GLCCI1: variants seen among roughly 807,000 people sequenced by gnomAD.
GLCCI1 encodes glucocorticoid induced 1, also known as glucocorticoid-induced transcript 1 protein.
Under a neutral mutation model 52.2 loss-of-function variants are expected in GLCCI1, and 24 were observed. The ratio of observed to expected loss-of-function variants is 0.46; its 90% CI spans 0.33 to 0.65. The LOEUF (loss-of-function observed/expected upper bound fraction) is 0.65. Ranked by LOEUF, GLCCI1 falls within the 30% of genes least tolerant of loss-of-function variation. The pLI is 0.02. For synonymous variants in GLCCI1, 310 were observed against 276.5 expected, an observed-to-expected ratio of 1.12 and a Z score of -1.20; for missense variants, 704 against 701.5, an observed-to-expected ratio of 1.00 and a Z score of -0.04.
chr7:7,999,841 T>C (rs1033235329), intron 1 of GLCCI1, among the ~76,000 whole-genome samples: 11 of 152,160 alleles, frequency 7.2e-5, no homozygotes, highest in Non-Finnish European at 1.5e-4. Context: ...AGTTTGAGGC[T>C]GCAGTGAGCT....
chr7:8,069,370 C>T (rs1313049367), intron 5 of GLCCI1, among the ~76,000 whole-genome samples: 1 of 152,124 alleles, frequency 6.6e-6, no homozygotes, highest in African/African-American at 2.4e-5. Context: ...TTAAAGCACT[C>T]TGGGTCTTTG....
chr7:8,007,402 A>G (rs970326366), intron 2 of GLCCI1, among the ~76,000 whole-genome samples: 1 of 152,208 alleles, frequency 6.6e-6, no homozygotes, highest in Non-Finnish European at 1.5e-5. Flanking sequence ...CAGTGAACCC[A>G]GACCTGGCTG....
At chr7:8,067,921 A>G (rs1319667442) in intron 5 of GLCCI1, among the ~76,000 whole-genome samples, 1 of 152,160 alleles carries the variant, frequency 6.6e-6, no homozygotes, top group Non-Finnish European at 1.5e-5. Context: ...GGAAGTTTTC[A>G]TGGACGGTAT....
chr7:7,991,834 G>C (rs963624832), intron 1 of GLCCI1, among the ~76,000 whole-genome samples: 1 of 152,000 alleles, frequency 6.6e-6, no homozygotes, highest in African/African-American at 2.4e-5. Context: ...GACTTCCATA[G>C]GATGCACTTG....
At chr7:7,976,286 T>C (rs35146192) in intron 1 of GLCCI1, among the ~76,000 whole-genome samples, 16,792 of 150,506 alleles carry the variant, frequency 0.11, 1,230 homozygotes, top group African/African-American at 0.2. Context: ...TGAGACCAGC[T>C]TGGCCAACAT....
intron 1 of GLCCI1, chr7:7,981,053 AG>A (rs1435999460): frequency 6.3e-6 from 3 of 479,364 alleles, no homozygotes; most frequent in Non-Finnish European, 1.2e-5. Context: ...GCTAAAACTC[AG>A]GCTTTACTTT....
In GLCCI1 at chr7:8,079,654, T is replaced by G. The variant is rs1782953462; in HGVS notation, c.1178-5243T>G. 1.3e-5 allele frequency among the ~76,000 whole-genome samples: 2 copies of G among 151,562 alleles called. 1 individual carries two copies. Among genetic ancestry groups the G allele is most frequent in the African/African-American group, 4.9e-5 (2 of 40,866 alleles). On this transcript the variant is annotated intron_variant, in intron 6 of 7. Transcript: ENST00000223145. The stretch of plus-strand genomic sequence containing the variant: ...GAAGAAGCACTGTACTTATTTTGAC[T>G]ACACAAAAACAAAAGAGTAACTTTT...
intron 5 of GLCCI1, among the ~76,000 whole-genome samples, chr7:8,069,496 A>T (rs957569938): frequency 6.6e-6 from 1 of 152,048 alleles, no homozygotes; most frequent in Non-Finnish European, 1.5e-5. Context: ...TGCTACTGGG[A>T]TGTTCAGCCA....
chr7:8,050,303 T>G (rs1782228943), intron 3 of GLCCI1, among the ~76,000 whole-genome samples: 1 of 152,178 alleles, frequency 6.6e-6, no homozygotes, highest in Non-Finnish European at 1.5e-5. Flanking sequence ...AGGGTTTGCT[T>G]ACTGACACTT....
chr7:8,042,005 G>T (rs1017966731), intron 3 of GLCCI1, among the ~76,000 whole-genome samples: 16 of 152,138 alleles, frequency 1.1e-4, no homozygotes, highest in African/African-American at 3.6e-4. Context: ...ACAAAGCCTG[G>T]ATGATATAGC....
intron 2 of GLCCI1, among the ~76,000 whole-genome samples, chr7:8,014,320 A>T (rs984049024): frequency 6.6e-6 from 1 of 152,046 alleles, no homozygotes; most frequent in Admixed American, 6.6e-5. Flanking sequence ...TCTTGACTCT[A>T]ATGGTAATGT....
intron 3 of GLCCI1, among the ~76,000 whole-genome samples, chr7:8,039,000 G>C (rs1470087372): frequency 6.6e-6 from 1 of 152,006 alleles, no homozygotes; most frequent in Non-Finnish European, 1.5e-5. Flanking sequence ...AGCCAACAAG[G>C]AGATGAAAAA....
Position 7,969,731 on chromosome 7 carries a change from C to T in GLCCI1, c.381C>T (p.Arg127=). 2 of 1,442,578 alleles carry T rather than the reference C, an allele frequency of 1.4e-6. No individual in the cohort carries two copies. The highest frequency in any genetic ancestry group is 1.8e-6 in the Non-Finnish European group (2 of 1,098,242). 89.4% of individuals were successfully genotyped at this position (1,442,578 alleles called of 1,614,324 possible). The change falls in exon 1 of 8, where the codon CGC becomes CGT. Residue 127 remains arginine (R), a synonymous_variant. Coordinates refer to ENST00000223145, the MANE Select transcript of GLCCI1 (RefSeq NM_138426.4). The surrounding 1 kb of genome is among the most constrained non-coding windows in gnomAD (Gnocchi z 4.9). The part of the protein sequence containing the change: ...PAEQAPRAKG[R]PRRSPESHRR... Reference sequence around the variant, plus strand: ...AGCAGGCGCCGCGGGCCAAGGGCCGCCCGAGACGGTCCCCAGAGAGCCACC... The same window carrying T: ...AGCAGGCGCCGCGGGCCAAGGGCCGTCCGAGACGGTCCCCAGAGAGCCACC...
Position 7,969,170 on chromosome 7 carries a change from C to G in GLCCI1, c.-181C>G, listed in dbSNP as rs568637963. The G allele has an allele frequency of 3.3e-3, 1,838 of 550,788 alleles. 28 individuals are homozygous for G. The African/African-American group carries it at 0.035, about 10-fold the overall frequency. 34.1% of individuals were successfully genotyped at this position (550,788 alleles called of 1,614,324 possible). On this transcript the variant is annotated 5_prime_UTR_variant, in exon 1 of 8. Coordinates refer to ENST00000223145, the MANE Select transcript of GLCCI1 (RefSeq NM_138426.4). The surrounding 1 kb of genome is among the most constrained non-coding windows in gnomAD (Gnocchi z 4.9). ...TTCGCAGCCTTCCCCTCCCCCCTCG[C>G]CGAGGCGGCGGGGGTGTGCGTTGGG...
intron 4 of GLCCI1, among the ~76,000 whole-genome samples, chr7:8,057,196 G>T (rs1782416680): frequency 1.3e-5 from 2 of 151,680 alleles, no homozygotes; most frequent in South Asian, 2.1e-4. Context: ...TTCGCCCTTT[G>T]ATATCAATCC....
At chr7:8,010,260 T>C (rs1781238585) in intron 2 of GLCCI1, among the ~76,000 whole-genome samples, 2 of 152,232 alleles carry the variant, frequency 1.3e-5, no homozygotes, top group Admixed American at 1.3e-4. Flanking sequence ...TATTCAGTCT[T>C]AACAAGAGAA....
intron 1 of GLCCI1, chr7:7,982,327 G>C (rs1449677688): frequency 1.1e-5 from 2 of 185,624 alleles, no homozygotes; most frequent in Non-Finnish European, 2.2e-5. Context: ...GTCAGAGCTT[G>C]TTATTTTTTT....
intron 5 of GLCCI1, among the ~76,000 whole-genome samples, chr7:8,066,245 G>A (rs1288235124): frequency 1.3e-5 from 2 of 152,008 alleles, no homozygotes; most frequent in African/African-American, 4.8e-5. Context: ...CAGTGGTACT[G>A]TCCCCTTTGT....
intron 2 of GLCCI1, among the ~76,000 whole-genome samples, chr7:8,016,362 G>A (rs1401275309): frequency 2.6e-5 from 4 of 152,000 alleles, no homozygotes; most frequent in Admixed American, 6.5e-5. Flanking sequence ...CCAACTACTC[G>A]GGAGGCTGAG....
Sources: gnomAD v4.1 joint callset for allele counts (sites outside exome capture counted in the v4.1 genomes callset) on GRCh38, gnomAD v4.1.1 for gene constraint, Gnocchi (gnomAD v3.1) non-coding constraint, MANE v1.5 for transcripts, NCBI Gene and HGNC (gene_info 2026-07-23, HGNC 2026-07-21) for gene names.